ERC2: variants seen among roughly 807,000 people sequenced by gnomAD.
ERC2 encodes ERC protein 2.
In ERC2, 42 loss-of-function variants were observed where a neutral mutation model predicts 114.8. The ratio of observed to expected loss-of-function variants is 0.37; its 90% CI spans 0.29 to 0.47. ERC2 has a LOEUF of 0.47. Among genes scored for constraint, ERC2 ranks in the 20% least tolerant of loss-of-function variants. The pLI is 0.99. For synonymous variants in ERC2, 454 were observed against 425.5 expected, an observed-to-expected ratio of 1.07 and a Z score of -0.82; for missense variants, 939 against 1,150.7, an observed-to-expected ratio of 0.82 and a Z score of 2.66.
chr3:56,026,599 A>G (rs2149609022), intron 7 of ERC2, among the ~76,000 whole-genome samples: 1 of 152,344 alleles, frequency 6.6e-6, no homozygotes, highest in Admixed American at 6.5e-5. Context: ...CAGGCACTGT[A>G]CTAAAAGCTT....
intron 3 of ERC2, among the ~76,000 whole-genome samples, chr3:56,270,713 C>T (rs532823635): frequency 6.6e-6 from 1 of 152,344 alleles, no homozygotes. Context: ...GGCATGGTGG[C>T]TTATGCCTGT....
At chr3:56,441,674 G>A (rs534331170) in intron 1 of ERC2, among the ~76,000 whole-genome samples, 1 of 151,978 alleles carries the variant, frequency 6.6e-6, no homozygotes, top group East Asian at 1.9e-4. Flanking sequence ...GCATAATCTC[G>A]GCTCACTGCA....
chr3:56,039,757 A>G (rs1331263266), intron 7 of ERC2, among the ~76,000 whole-genome samples: 1 of 152,218 alleles, frequency 6.6e-6, no homozygotes, highest in Non-Finnish European at 1.5e-5. Flanking sequence ...CTACAAAGCT[A>G]TAGTAATCAA....
chr3:56,150,478 A>G (rs1160166339), intron 4 of ERC2, among the ~76,000 whole-genome samples: 1 of 152,192 alleles, frequency 6.6e-6, no homozygotes, highest in Non-Finnish European at 1.5e-5. Flanking sequence ...TAAGTTCTGT[A>G]GATACTTTTA....
chr3:56,049,289 GGCGAGATTTCT>G (rs935326280), intron 7 of ERC2, among the ~76,000 whole-genome samples: 75 of 152,314 alleles, frequency 4.9e-4, no homozygotes, highest in African/African-American at 1.7e-3. Context: ...CAGCCAAGCA[GGCGAGATTTCT>G]GTGAAGAGGT....
chr3:56,207,668 A>G (rs2048823152), intron 3 of ERC2, among the ~76,000 whole-genome samples: 1 of 152,216 alleles, frequency 6.6e-6, no homozygotes, highest in South Asian at 2.1e-4. Context: ...CCTTTTAAAA[A>G]TAACTTTTAT....
intron 3 of ERC2, among the ~76,000 whole-genome samples, chr3:56,244,732 T>C (rs1410710518): frequency 1.3e-5 from 2 of 152,222 alleles, no homozygotes; most frequent in Non-Finnish European, 2.9e-5. Flanking sequence ...TTAATAAATT[T>C]AGTATAACCT....
chr3:55,985,580 T>C (rs1413858368), intron 12 of ERC2, among the ~76,000 whole-genome samples: 1 of 152,198 alleles, frequency 6.6e-6, no homozygotes, highest in Non-Finnish European at 1.5e-5. Context: ...AGTTGCTGTG[T>C]CATGGGCAGA....
intron 17 of ERC2, among the ~76,000 whole-genome samples, chr3:55,616,278 T>C (rs78504945): frequency 1.7e-3 from 253 of 150,986 alleles, no homozygotes; most frequent in African/African-American, 5.9e-3. Context: ...GGAACCAAGA[T>C]TTGGATAAGT....
intron 13 of ERC2, among the ~76,000 whole-genome samples, chr3:55,932,158 G>A (rs967921956): frequency 1.4e-4 from 21 of 152,174 alleles, no homozygotes; most frequent in African/African-American, 5.1e-4. Context: ...CAGACAGTAT[G>A]TCTAAGTAAG....
intron 12 of ERC2, among the ~76,000 whole-genome samples, chr3:55,960,700 C>G (rs559859742): frequency 2.8e-4 from 42 of 152,350 alleles, no homozygotes; most frequent in African/African-American, 8.9e-4. Flanking sequence ...GCCCAAGCTA[C>G]CATCATGTCC....
intron 3 of ERC2, among the ~76,000 whole-genome samples, chr3:56,217,037 A>C (rs1164849215): frequency 6.6e-6 from 1 of 152,226 alleles, no homozygotes; most frequent in Non-Finnish European, 1.5e-5. Context: ...CCAATATCAT[A>C]CTGAAGGGGC....
At chr3:56,463,117 A>G (rs1383174704) in intron 1 of ERC2, among the ~76,000 whole-genome samples, 1 of 152,158 alleles carries the variant, frequency 6.6e-6, no homozygotes, top group Non-Finnish European at 1.5e-5. Flanking sequence ...AGTTCCAGCT[A>G]CTGGGAAGAC....
intron 2 of ERC2, among the ~76,000 whole-genome samples, chr3:56,320,766 A>G (rs1300788520): frequency 6.6e-6 from 1 of 152,260 alleles, no homozygotes; most frequent in Non-Finnish European, 1.5e-5. Context: ...GCATAAAACA[A>G]TAATAATGAT....
At chr3:56,378,139 T>C (rs945863532) in intron 2 of ERC2, among the ~76,000 whole-genome samples, 6 of 151,154 alleles carry the variant, frequency 4.0e-5, no homozygotes, top group African/African-American at 1.5e-4. Context: ...TATTGCGGCA[T>C]TATTCACAAT....
At chr3:55,783,925 C>T (rs1422637844) in intron 14 of ERC2, among the ~76,000 whole-genome samples, 1 of 152,052 alleles carries the variant, frequency 6.6e-6, no homozygotes, top group Non-Finnish European at 1.5e-5. Context: ...TATCTTTCAC[C>T]CCTAACTACT....
chr3:55,922,395 C>T (rs2065480064), intron 13 of ERC2, among the ~76,000 whole-genome samples: 1 of 151,940 alleles, frequency 6.6e-6, no homozygotes, highest in South Asian at 2.1e-4. Context: ...TGGAGCCTTG[C>T]AAGGGGCTTA....
intron 1 of ERC2, among the ~76,000 whole-genome samples, chr3:56,439,843 G>T (rs1447744713): frequency 2.0e-5 from 3 of 151,374 alleles, no homozygotes; most frequent in Admixed American, 2.0e-4. Context: ...GCATATTCCA[G>T]AATTCTATGT....
intron 3 of ERC2, among the ~76,000 whole-genome samples, chr3:56,288,029 G>A (rs1002305366): frequency 3.9e-5 from 6 of 152,260 alleles, no homozygotes; most frequent in South Asian, 4.1e-4. Flanking sequence ...TAGTTAAAAC[G>A]GAATGTGTTT....
Sources: gnomAD v4.1 joint callset for allele counts (sites outside exome capture counted in the v4.1 genomes callset) on GRCh38, gnomAD v4.1.1 for gene constraint, MANE v1.5 for transcripts, NCBI Gene and HGNC (gene_info 2026-07-23, HGNC 2026-07-21) for gene names.